Variants in KIF6 observed in about 807,000 individuals in gnomAD.
KIF6 encodes kinesin family member 6, also known as kinesin-like protein KIF6.
KIF6 carries 106 observed loss-of-function variants against 112.7 expected under a neutral mutation model. The observed-to-expected ratio is 0.94, with a 90% confidence interval of 0.80 to 1.11. KIF6 has a LOEUF of 1.11. Among genes scored for constraint, KIF6 ranks in the 50% least tolerant of loss-of-function variants. The pLI is 0.00. For missense variants in KIF6, 929 were observed against 964.0 expected, an observed-to-expected ratio of 0.96 and a Z score of 0.48; for synonymous variants, 339 against 339.9, an observed-to-expected ratio of 1.00 and a Z score of 0.03.
At chr6:39,547,768 C>T (rs1779141648) in intron 10 of KIF6, among the ~76,000 whole-genome samples, 1 of 152,096 alleles carries the variant, frequency 6.6e-6, no homozygotes, top group Non-Finnish European at 1.5e-5. Flanking sequence ...TGAGCTTTTC[C>T]ATCAGTGCAT....
At chr6:39,518,569 A>C (rs1187042716) in intron 13 of KIF6, among the ~76,000 whole-genome samples, 1 of 152,250 alleles carries the variant, frequency 6.6e-6, no homozygotes, top group African/African-American at 2.4e-5. Flanking sequence ...GTCTTCTAAA[A>C]AGAATACGCT....
intron 13 of KIF6, among the ~76,000 whole-genome samples, chr6:39,507,870 C>G (rs1776531578): frequency 6.6e-6 from 1 of 150,630 alleles, no homozygotes; most frequent in Non-Finnish European, 1.5e-5. Flanking sequence ...TCTTTCTATT[C>G]TCTTTCTTTC....
intron 13 of KIF6, among the ~76,000 whole-genome samples, chr6:39,502,268 T>C (rs894010734): frequency 6.6e-6 from 1 of 152,090 alleles, no homozygotes; most frequent in Admixed American, 6.6e-5. Context: ...AATAAGATCC[T>C]TTTTAGACAA....
intron 4 of KIF6, among the ~76,000 whole-genome samples, chr6:39,635,941 A>T (rs1784605604): frequency 6.6e-6 from 1 of 152,054 alleles, no homozygotes; most frequent in African/African-American, 2.4e-5. Context: ...GTCAGAGTGT[A>T]TACTAACAGA....
chr6:39,401,693 C>T (rs554113116), intron 15 of KIF6, among the ~76,000 whole-genome samples: 4 of 152,038 alleles, frequency 2.6e-5, no homozygotes, highest in East Asian at 1.9e-4. Flanking sequence ...AAAATGCTCT[C>T]GGGGGAGTGG....
rs1263761799 is a variant in KIF6, at chr6:39,677,638, T to A, written c.251+37054A>T. ...TGCTGGTGCGCTGCACCCACTAATG[T>A]GTCATCTAGCATTAGGTATATCTCC... On this transcript the variant is annotated intron_variant, in intron 3 of 22. Coordinates refer to ENST00000287152, the MANE Select transcript of KIF6 (RefSeq NM_145027.6). Among the ~76,000 whole-genome samples, 5 of 141,668 alleles carry A rather than the reference T, an allele frequency of 3.5e-5. No individual in the cohort carries two copies. The East Asian group carries it at 8.1e-4, about 23-fold the overall frequency. 92.9% of individuals were successfully genotyped at this position (141,668 alleles called of 152,430 possible). A position where few individuals can be genotyped will look rare whatever the true frequency, so the allele number is the denominator to read the frequency against.
At chr6:39,575,923 T>C (rs1780943682) in intron 10 of KIF6, among the ~76,000 whole-genome samples, 1 of 152,192 alleles carries the variant, frequency 6.6e-6, no homozygotes, top group Non-Finnish European at 1.5e-5. Context: ...CTCTAGACCA[T>C]CAAGAAGTCG....
At chr6:39,632,695 T>C (rs1194947480) in intron 5 of KIF6, among the ~76,000 whole-genome samples, 1 of 151,978 alleles carries the variant, frequency 6.6e-6, no homozygotes, top group African/African-American at 2.4e-5. Flanking sequence ...TCAAACCTCA[T>C]TATCTCCACA....
At chr6:39,493,491 C>T (rs1449350477) in intron 13 of KIF6, among the ~76,000 whole-genome samples, 1 of 152,202 alleles carries the variant, frequency 6.6e-6, no homozygotes, top group African/African-American at 2.4e-5. Flanking sequence ...TTTGTACTCA[C>T]TAGATGATGT....
At chr6:39,361,932 T>C (rs1292000428) in intron 17 of KIF6, among the ~76,000 whole-genome samples, 3 of 152,208 alleles carry the variant, frequency 2.0e-5, no homozygotes, top group African/African-American at 7.2e-5. Context: ...ACACATGTGC[T>C]AAATGCATCA....
chr6:39,677,264 A>G (rs1222212370), intron 3 of KIF6, among the ~76,000 whole-genome samples: 1 of 152,080 alleles, frequency 6.6e-6, no homozygotes. Context: ...CAGGAAGGTG[A>G]AACAATTCTA....
At chr6:39,699,856 C>T (rs1179127865) in intron 3 of KIF6, among the ~76,000 whole-genome samples, 3 of 152,082 alleles carry the variant, frequency 2.0e-5, no homozygotes, top group Non-Finnish European at 2.9e-5. Flanking sequence ...CAAATTTCCT[C>T]GCTTACTTTT....
At chr6:39,594,719 TAA>T (rs1459570742) in intron 7 of KIF6, among the ~76,000 whole-genome samples, 1 of 152,146 alleles carries the variant, frequency 6.6e-6, no homozygotes, top group African/African-American at 2.4e-5. Context: ...ATTAAGCAGT[TAA>T]AAAAAGGTTT....
intron 13 of KIF6, among the ~76,000 whole-genome samples, chr6:39,449,723 C>T: frequency 6.6e-6 from 1 of 152,200 alleles, no homozygotes; most frequent in East Asian, 1.9e-4. Flanking sequence ...AGGGAGAGAG[C>T]AGTCGCAGTC....
intron 13 of KIF6, among the ~76,000 whole-genome samples, chr6:39,497,925 T>C (rs946792189): frequency 6.6e-6 from 1 of 152,224 alleles, no homozygotes; most frequent in African/African-American, 2.4e-5. Context: ...ATTCTTGTTG[T>C]TCATCTTTAA....
At chr6:39,522,980 T>C (rs961685117) in intron 13 of KIF6, among the ~76,000 whole-genome samples, 3 of 152,230 alleles carry the variant, frequency 2.0e-5, no homozygotes, top group African/African-American at 7.2e-5. Flanking sequence ...TTCATTTCTC[T>C]AATTAAGCCT....
intron 13 of KIF6, among the ~76,000 whole-genome samples, chr6:39,434,829 G>A (rs1017362150): frequency 6.6e-6 from 1 of 152,128 alleles, no homozygotes; most frequent in Non-Finnish European, 1.5e-5. Context: ...GTTTCCAGGT[G>A]GAGGGGGCAG....
At chr6:39,639,107 G>A (rs1244513367) in intron 4 of KIF6, among the ~76,000 whole-genome samples, 2 of 152,014 alleles carry the variant, frequency 1.3e-5, no homozygotes, top group African/African-American at 2.4e-5. Context: ...GGCATTTTGA[G>A]GCACTCAATA....
At chr6:39,469,172 A>G (rs995211017) in intron 13 of KIF6, among the ~76,000 whole-genome samples, 7 of 152,256 alleles carry the variant, frequency 4.6e-5, no homozygotes, top group African/African-American at 1.7e-4. Context: ...AAATAACTCC[A>G]AAATAAACAA....
Sources: allele counts gnomAD v4.1 joint callset (sites outside exome capture counted in the v4.1 genomes callset), GRCh38; gene constraint gnomAD v4.1.1; transcripts MANE v1.5; gene names NCBI Gene and HGNC (gene_info 2026-07-23, HGNC 2026-07-21).